GABRG3: variants seen among roughly 807,000 people sequenced by gnomAD.
GABRG3 encodes the protein gamma-aminobutyric acid type A receptor subunit gamma3, also known as gamma-aminobutyric acid receptor subunit gamma-3.
Under a neutral mutation model 48.8 loss-of-function variants are expected in GABRG3, and 25 were observed. The observed-to-expected ratio is 0.51, with a 90% confidence interval of 0.37 to 0.72. The LOEUF is 0.72. GABRG3 is among the 30% of genes least tolerant of loss of function. GABRG3 has a pLI of 0.00. For synonymous variants in GABRG3, 227 were observed against 217.6 expected, an observed-to-expected ratio of 1.04 and a Z score of -0.38; for missense variants, 394 against 577.9, an observed-to-expected ratio of 0.68 and a Z score of 3.26.
chr15:27,059,582 C>T (rs536397121), intron 3 of GABRG3, among the ~76,000 whole-genome samples: 39 of 152,272 alleles, frequency 2.6e-4, no homozygotes, highest in African/African-American at 7.7e-4. Flanking sequence ...TCACCTCTTA[C>T]GCTGTTAAGA....
At chr15:27,027,761 C>G (rs1418144919) in intron 3 of GABRG3, among the ~76,000 whole-genome samples, 2 of 152,318 alleles carry the variant, frequency 1.3e-5, no homozygotes, top group East Asian at 3.9e-4. Context: ...TTATTTCACA[C>G]AACCTATGTG....
At chr15:27,312,138 A>T (rs1366506646) in intron 3 of GABRG3, among the ~76,000 whole-genome samples, 1 of 152,188 alleles carries the variant, frequency 6.6e-6, no homozygotes, top group Non-Finnish European at 1.5e-5. Flanking sequence ...GACATTGTAG[A>T]GCTGAAGAAT....
chr15:27,411,283 A>G (rs1457132037), intron 5 of GABRG3, among the ~76,000 whole-genome samples: 2 of 152,136 alleles, frequency 1.3e-5, no homozygotes, highest in African/African-American at 4.8e-5. Context: ...AATAAACCCT[A>G]TGAATGAGGT....
At chr15:27,038,298 C>T (rs558463340) in intron 3 of GABRG3, among the ~76,000 whole-genome samples, 1 of 152,288 alleles carries the variant, frequency 6.6e-6, no homozygotes, top group South Asian at 2.1e-4. Flanking sequence ...TTCTGTGTGT[C>T]GTCACATGGT....
chr15:27,427,091 G>T (rs1470291831), intron 5 of GABRG3, among the ~76,000 whole-genome samples: 1 of 152,154 alleles, frequency 6.6e-6, no homozygotes, highest in Admixed American at 6.5e-5. Context: ...TGATCCAAAT[G>T]TGCGAGACTA....
At chr15:27,476,024 A>G (rs1889931036) in intron 5 of GABRG3, among the ~76,000 whole-genome samples, 1 of 152,186 alleles carries the variant, frequency 6.6e-6, no homozygotes, top group Non-Finnish European at 1.5e-5. Context: ...AAGGTGAACC[A>G]AAGGAGACCC....
rs550735300 is a variant in GABRG3 at position 27,040,199 on chromosome 15, C to G, written c.270+13378C>G. On this transcript the variant is annotated intron_variant, in intron 3 of 9. Transcript: ENST00000615808. ...TCCACTTGCTGTGTTCGGGGTGGCC[C>G]ATGACAGGTGCTGAGCTGCCAGGCT... Among the ~76,000 whole-genome samples, 8 of 152,366 alleles carry G rather than the reference C, an allele frequency of 5.3e-5. No homozygotes were observed. In the South Asian group the frequency reaches 1.7e-3, roughly 32 times the overall value.
chr15:26,992,373 A>G (rs1451875437), intron 2 of GABRG3, among the ~76,000 whole-genome samples: 1 of 152,182 alleles, frequency 6.6e-6, no homozygotes, highest in Non-Finnish European at 1.5e-5. Context: ...GGTCTGTCAT[A>G]TACAGCTTTT....
chr15:27,304,788 T>A (rs1892337611), intron 3 of GABRG3, among the ~76,000 whole-genome samples: 1 of 151,994 alleles, frequency 6.6e-6, no homozygotes, highest in South Asian at 2.1e-4. Flanking sequence ...AGTGATATAA[T>A]GTATTCAGAT....
At chr15:27,151,047 G>C (rs531389666) in intron 3 of GABRG3, among the ~76,000 whole-genome samples, 15 of 152,260 alleles carry the variant, frequency 9.9e-5, no homozygotes, top group Admixed American at 9.8e-4. Context: ...GATAGCTGTA[G>C]CTTTATATAC....
At chr15:27,065,863 A>C (rs567439221) in intron 3 of GABRG3, among the ~76,000 whole-genome samples, 1 of 152,356 alleles carries the variant, frequency 6.6e-6, no homozygotes, top group African/African-American at 2.4e-5. Context: ...GGGGAATTTA[A>C]CTAGACAGCT....
intron 5 of GABRG3, among the ~76,000 whole-genome samples, chr15:27,462,074 G>C (rs547014156): frequency 1.3e-5 from 2 of 151,940 alleles, no homozygotes; most frequent in Non-Finnish European, 1.5e-5. Flanking sequence ...TGTCTTCCTC[G>C]TTCTTCCTGA....
chr15:27,178,070 A>T (rs570682776), intron 3 of GABRG3, among the ~76,000 whole-genome samples: 1 of 152,278 alleles, frequency 6.6e-6, no homozygotes, highest in African/African-American at 2.4e-5. Flanking sequence ...AGATACCCAG[A>T]TGGAGGATTC....
chr15:27,012,137 G>T (rs1413102570), intron 2 of GABRG3, among the ~76,000 whole-genome samples: 1 of 152,116 alleles, frequency 6.6e-6, no homozygotes, highest in Admixed American at 6.5e-5. Flanking sequence ...TCTGTGTGAA[G>T]ATGTTTATTT....
At chr15:27,170,278 C>T (rs1887521241) in intron 3 of GABRG3, among the ~76,000 whole-genome samples, 1 of 152,016 alleles carries the variant, frequency 6.6e-6, no homozygotes, top group African/African-American at 2.4e-5. Context: ...GCCCAGAGGA[C>T]AAGAGAGGGA....
At chr15:27,529,826 A>C in intron 9 of GABRG3, among the ~76,000 whole-genome samples, 1 of 8,854 alleles carries the variant, frequency 1.1e-4, no homozygotes, top group African/African-American at 4.6e-4. Flanking sequence ...ATGCTGCCAA[A>C]AGAAGAAAAA....
At chr15:27,329,917 G>A (rs1242726403) in intron 5 of GABRG3, among the ~76,000 whole-genome samples, 1 of 152,206 alleles carries the variant, frequency 6.6e-6, no homozygotes, top group African/African-American at 2.4e-5. Flanking sequence ...TGACTCATAA[G>A]AATTCAGTTT....
At chr15:27,315,808 C>T (rs1025148839) in intron 3 of GABRG3, among the ~76,000 whole-genome samples, 6 of 152,116 alleles carry the variant, frequency 3.9e-5, no homozygotes, top group Admixed American at 3.3e-4. Context: ...TCCTATGAAG[C>T]CTATATGTAG....
intron 6 of GABRG3, among the ~76,000 whole-genome samples, chr15:27,514,399 T>C (rs1437954795): frequency 1.3e-5 from 2 of 152,184 alleles, no homozygotes; most frequent in Admixed American, 6.5e-5. Context: ...GAAGAATCAA[T>C]TTCCAAACTC....
Sources: allele counts gnomAD v4.1 joint callset (sites outside exome capture counted in the v4.1 genomes callset), GRCh38; gene constraint gnomAD v4.1.1; transcripts MANE v1.5; gene names NCBI Gene and HGNC (gene_info 2026-07-23, HGNC 2026-07-21).